The following EML4 variants were observed in gnomAD, a reference collection of about 807,000 sequenced individuals.
The protein encoded by EML4 is echinoderm microtubule-associated protein-like 4.
Under a neutral mutation model 129.0 loss-of-function variants are expected in EML4, and 72 were observed. The ratio of observed to expected loss-of-function variants is 0.56; its 90% CI spans 0.46 to 0.68. The LOEUF (loss-of-function observed/expected upper bound fraction) is 0.68. Among genes scored for constraint, EML4 ranks in the 30% least tolerant of loss-of-function variants. The probability of loss-of-function intolerance (pLI) is 0.00; values close to 1 mark genes in which losing one functional copy is unlikely to be tolerated. For synonymous variants in EML4, 532 were observed against 405.0 expected, an observed-to-expected ratio of 1.31 and a Z score of -3.77; for missense variants, 1,363 against 1,190.6, an observed-to-expected ratio of 1.14 and a Z score of -2.13.
At chr2:42,251,866 C>T (rs1034632273) in intron 2 of EML4, among the ~76,000 whole-genome samples, 1 of 152,136 alleles carries the variant, frequency 6.6e-6, no homozygotes, top group Non-Finnish European at 1.5e-5. Context: ...GTTTGTACTT[C>T]TCTTTTGGCA....
intron 17 of EML4, among the ~76,000 whole-genome samples, chr2:42,309,763 T>TC (rs1421876238): frequency 1.3e-5 from 2 of 152,168 alleles, no homozygotes; most frequent in Non-Finnish European, 2.9e-5. Flanking sequence ...GTAAGAGTTT[T>TC]TTATATATTC....
chr2:42,275,908 G>A (rs965304772), intron 6 of EML4, among the ~76,000 whole-genome samples: 4 of 152,054 alleles, frequency 2.6e-5, no homozygotes, highest in African/African-American at 7.2e-5. Context: ...TACTGATCTC[G>A]TATTCTGCTT....
At chr2:42,220,791 C>T (rs1673543186) in intron 1 of EML4, among the ~76,000 whole-genome samples, 1 of 152,160 alleles carries the variant, frequency 6.6e-6, no homozygotes, top group Admixed American at 6.5e-5. Flanking sequence ...AAGAGTGCTA[C>T]TCCAGTGAAC....
At chr2:42,314,788 C>T (rs184335442) in intron 17 of EML4, among the ~76,000 whole-genome samples, 17 of 152,288 alleles carry the variant, frequency 1.1e-4, no homozygotes, top group Admixed American at 5.2e-4. Context: ...TTTGTCTGTC[C>T]ATGGTTCCCA....
intron 1 of EML4, among the ~76,000 whole-genome samples, chr2:42,240,496 A>G (rs1201255393): frequency 2.0e-5 from 3 of 152,120 alleles, no homozygotes; most frequent in Admixed American, 1.3e-4. Flanking sequence ...GTGTCTATCA[A>G]TTATTCAGTA....
chr2:42,290,818 A>G (rs1307791973), intron 11 of EML4, among the ~76,000 whole-genome samples: 5 of 152,112 alleles, frequency 3.3e-5, no homozygotes, highest in Non-Finnish European at 7.4e-5. Flanking sequence ...AAGAGGAGGG[A>G]TGTTACATAA....
At chr2:42,324,132 T>A (rs1211975288) in intron 19 of EML4, among the ~76,000 whole-genome samples, 1 of 150,036 alleles carries the variant, frequency 6.7e-6, no homozygotes, top group Non-Finnish European at 1.5e-5. Flanking sequence ...CCGTCTGTAC[T>A]AAAAATAGAA....
chr2:42,315,880 C>G, intron 17 of EML4, 82 bp from the exon 18 acceptor site: 1 of 889,682 alleles, frequency 1.1e-6, no homozygotes, highest in East Asian at 2.9e-5. Flanking sequence ...GACTCCATCT[C>G]AAAAAAAAAA....
At chr2:42,268,220 A>T (rs950022392) in intron 6 of EML4, among the ~76,000 whole-genome samples, 1 of 152,190 alleles carries the variant, frequency 6.6e-6, no homozygotes, top group Non-Finnish European at 1.5e-5. Flanking sequence ...ACATGTATAA[A>T]CTTTTTTTTG....
chr2:42,214,423 C>G (rs943271681), intron 1 of EML4, among the ~76,000 whole-genome samples: 1 of 150,174 alleles, frequency 6.7e-6, no homozygotes, highest in Non-Finnish European at 1.5e-5. Flanking sequence ...CCTACTTATC[C>G]TAGAGTTTAC....
intron 17 of EML4, among the ~76,000 whole-genome samples, chr2:42,308,180 T>C (rs1044052971): frequency 1.2e-4 from 18 of 152,202 alleles, no homozygotes; most frequent in Admixed American, 9.2e-4. Context: ...ATTAAACATA[T>C]AACCTTAAGT....
chr2:42,178,041 T>A (rs986732282), intron 1 of EML4, among the ~76,000 whole-genome samples: 2 of 152,158 alleles, frequency 1.3e-5, no homozygotes, highest in African/African-American at 4.8e-5. Flanking sequence ...GGATGAACAA[T>A]CAGAAGTAAT....
intron 11 of EML4, chr2:42,289,993 A>C (rs1046722160): frequency 6.6e-6 from 1 of 151,682 alleles, no homozygotes; most frequent in Non-Finnish European, 1.5e-5. Context: ...AGGCTGAGGC[A>C]GGAGAATTGC....
At chr2:42,248,400 G>C (rs1675549993) in intron 2 of EML4, among the ~76,000 whole-genome samples, 1 of 152,030 alleles carries the variant, frequency 6.6e-6, no homozygotes, top group African/African-American at 2.4e-5. Context: ...CATATACACA[G>C]TATTTTATAT....
At chr2:42,192,623 A>G (rs2103910428) in intron 1 of EML4, among the ~76,000 whole-genome samples, 1 of 152,162 alleles carries the variant, frequency 6.6e-6, no homozygotes, top group East Asian at 1.9e-4. Flanking sequence ...AATCTTGGTC[A>G]TCTCTTGCCT....
chr2:42,306,153 C>T (rs764001988), intron 17 of EML4, among the ~76,000 whole-genome samples: 1 of 152,144 alleles, frequency 6.6e-6, no homozygotes, highest in African/African-American at 2.4e-5. Flanking sequence ...CCCCAAAACA[C>T]GTAAGTAATA....
intron 1 of EML4, among the ~76,000 whole-genome samples, chr2:42,201,486 G>T (rs553809694): frequency 6.6e-6 from 1 of 152,172 alleles, no homozygotes; most frequent in Non-Finnish European, 1.5e-5. Context: ...TGATGAAGCA[G>T]TCCCACTTCT....
At chr2:42,219,407 C>A (rs923979040) in intron 1 of EML4, among the ~76,000 whole-genome samples, 6 of 152,114 alleles carry the variant, frequency 3.9e-5, no homozygotes, top group African/African-American at 1.4e-4. Flanking sequence ...AGTCCTGTAA[C>A]CACCCTCCTG....
rs116735129 is a variant in EML4, at chr2:42,215,445, A to G, written c.26-30060A>G. 6.9e-3 allele frequency among the ~76,000 whole-genome samples: 1,057 copies of G among 152,278 alleles called. 10 individuals carry two copies. The highest frequency in any genetic ancestry group is 0.024 in the African/African-American group (1,006 of 41,546). Reference sequence around the variant, plus strand: ...CTACTTTAATATTTTATGTACCTATAAAAGCTTCCAGGGTACTCTGCAAAT... The same window carrying G: ...CTACTTTAATATTTTATGTACCTATGAAAGCTTCCAGGGTACTCTGCAAAT... On this transcript the variant is annotated intron_variant, in intron 1 of 22. Coordinates refer to ENST00000318522, the MANE Select transcript of EML4 (RefSeq NM_019063.5).
Sources: allele counts gnomAD v4.1 joint callset (sites outside exome capture counted in the v4.1 genomes callset), GRCh38; gene constraint gnomAD v4.1.1; transcripts MANE v1.5; gene names NCBI Gene and HGNC (gene_info 2026-07-23, HGNC 2026-07-21).